Variants in ALDH3A1 observed in about 807,000 individuals in gnomAD.
ALDH3A1 encodes aldehyde dehydrogenase 3 family member A1.
A neutral mutation model predicts 49.9 loss-of-function variants in ALDH3A1; 46 were observed. The ratio of observed to expected loss-of-function variants is 0.92; its 90% CI spans 0.73 to 1.18. ALDH3A1 has a LOEUF of 1.18. Ranked by LOEUF, ALDH3A1 falls within the 50% of genes most tolerant of loss-of-function variation. ALDH3A1 has a pLI of 0.00. For missense variants in ALDH3A1, 592 were observed against 611.8 expected, an observed-to-expected ratio of 0.97 and a Z score of 0.34; for synonymous variants, 269 against 253.3, an observed-to-expected ratio of 1.06 and a Z score of -0.59.
rs1205013533 is a variant in ALDH3A1, at chr17:19,745,123, T to C, written c.7A>G (p.Lys3Glu). MS[K>E]ISEAVKRARA... The stretch of plus-strand genomic sequence containing the variant: ...GCGCGCTTCACGGCCTCGCTGATCT[T>C]GCTCATGGCGCCTGGGGACAGAGAG... The change falls in exon 2 of 11, where the codon AAG (lysine) becomes GAG (glutamate). Residue 3 changes from lysine to glutamate, a missense_variant. Coordinates refer to ENST00000225740, the MANE Select transcript of ALDH3A1 (RefSeq NM_000691.5). The C allele has an allele frequency of 6.3e-7, 1 of 1,576,940 alleles. No individual in the cohort carries two copies. Among genetic ancestry groups the C allele is most frequent in the Admixed American group, 1.7e-5 (1 of 57,956 alleles).
At chr17:19,744,646 A>G (rs1432760195) in intron 2 of ALDH3A1, 2 of 985,184 alleles carry the variant, frequency 2.0e-6, no homozygotes, top group Middle Eastern at 5.2e-4. Flanking sequence ...GGTGTGGAGA[A>G]CCAAGTGGTC....
At position 19,741,140 on chromosome 17, in the gene ALDH3A1, G is replaced by A. The variant is rs1405409099; in HGVS notation, c.760C>T (p.Pro254Ser). 6.2e-7 allele frequency: 1 copy of A among 1,613,986 alleles called. No homozygotes were observed. Among genetic ancestry groups the A allele is most frequent in the African/African-American group, 1.3e-5 (1 of 74,896 alleles). Residue 254 changes from proline (P) to serine (S), a missense_variant, in exon 6 of 11, where the codon CCC becomes TCC. Pro to Ser is a moderately conservative substitution (Grantham distance 74). Coordinates refer to ENST00000225740, the MANE Select transcript of ALDH3A1 (RefSeq NM_000691.5). ...TCCACAATTTGGTTCTGGATCGAGG[G>A]GTCACAGAGGATGTAGTCAGGGGCC... ...CVAPDYILCD[P>S]SIQNQIVEKL...
intron 6 of ALDH3A1, 119 bp from the exon 7 acceptor site, chr17:19,740,596 T>C (rs1402951014): frequency 1.7e-6 from 2 of 1,164,276 alleles, no homozygotes; most frequent in African/African-American, 3.0e-5. Flanking sequence ...GTGGAGCTTT[T>C]TTCTTCTTTA....
intron 2 of ALDH3A1, 52 bp downstream of exon 2, chr17:19,744,916 C>CCCCCCCCCCCCCCA: frequency 1.5e-6 from 2 of 1,345,112 alleles, no homozygotes; most frequent in Non-Finnish European, 1.9e-6. Context: ...TCCCCCCACG[C>CCCCCCCCCCCCCCA]CCCATCGCAT....
At chr17:19,744,748 A>G (rs2086565510) in intron 2 of ALDH3A1, 2 of 1,358,814 alleles carry the variant, frequency 1.5e-6, no homozygotes, top group African/African-American at 3.1e-5. Flanking sequence ...CGGGACGCGG[A>G]GGCCGGGCCA....
intron 8 of ALDH3A1, 66 bp downstream of exon 8, chr17:19,739,442 G>A: frequency 6.5e-7 from 1 of 1,529,910 alleles, no homozygotes; most frequent in African/African-American, 1.4e-5. Context: ...CAGTGAAGCT[G>A]CAGTTTGAAC....
rs1555546873 is a variant in ALDH3A1 at position 19,744,902 on chromosome 17, C to CCCCCA, written c.162+65_162+66insTGGGG. 28 of 412,010 alleles carry CCCCCA rather than the reference C, an allele frequency of 6.8e-5. 2 individuals are homozygous for CCCCCA. In the East Asian group the frequency reaches 4.9e-3, roughly 72 times the overall value. The allele number at this position is 412,010 out of a possible 1,614,324, so 25.5% of individuals were successfully genotyped here. On this transcript the variant is annotated intron_variant, in intron 2 of 10. Coordinates refer to ENST00000225740, the MANE Select transcript of ALDH3A1 (RefSeq NM_000691.5). ...CCTCTCTGGGTCGCACTCTCCCCAG[C>CCCCCA]CCCTCCCCCCACGCCCCATCGCATG...
intron 7 of ALDH3A1, 183 bp downstream of exon 7, chr17:19,740,153 T>C (rs1296376674): frequency 1.5e-6 from 1 of 655,520 alleles, no homozygotes; most frequent in Non-Finnish European, 2.4e-6. Context: ...GATTCTGAGG[T>C]TGAAGCAGGG....
Position 19,743,669 on chromosome 17 carries a change from G to A in ALDH3A1, c.163-206C>T, listed in dbSNP as rs1417163824. 3 of 985,210 alleles carry A rather than the reference G, an allele frequency of 3.0e-6. No homozygotes were observed. The highest frequency in any genetic ancestry group is 1.7e-5 in the African/African-American group (1 of 57,236). 61.0% of individuals were successfully genotyped at this position (985,210 alleles called of 1,614,324 possible). A position where few individuals can be genotyped will look rare whatever the true frequency, so the allele number is the denominator to read the frequency against. On this transcript the variant is annotated intron_variant, in intron 2 of 10. Coordinates refer to ENST00000225740, the MANE Select transcript of ALDH3A1 (RefSeq NM_000691.5). This position sits in a 1 kb window ranked among gnomAD's most constrained non-coding sequence, Gnocchi z 4.4. The stretch of plus-strand genomic sequence containing the variant: ...TCTGAGAGGACCCCTTTCTGCCAGA[G>A]GGGGGCCCAGGTAGGTTTGCGGCCC...
intron 6 of ALDH3A1, among the ~76,000 whole-genome samples, chr17:19,740,820 T>A (rs72841927): frequency 6.6e-6 from 1 of 152,102 alleles, no homozygotes; most frequent in Non-Finnish European, 1.5e-5. Flanking sequence ...CATGCCACCA[T>A]GCTTGGCTAA....
rs2086453645 is a variant in ALDH3A1, at chr17:19,739,621, T to G, written c.1003A>C (p.Ile335Leu). The G allele has an allele frequency of 6.2e-7, 1 of 1,613,772 alleles. No homozygotes were observed. The stretch of plus-strand genomic sequence containing the variant: ...ACGATGGGCAGCACAGGCCCGAAGA[T>G]CTCCTCTTGCATCACCGGGGACTGG... ...DPQSPVMQEE[I>L]FGPVLPIVCV... Residue 335 changes from isoleucine (I) to leucine (L), a missense_variant, in exon 8 of 11, where the codon ATC becomes CTC. Ile to Leu is a conservative substitution (Grantham distance 5). Transcript: ENST00000225740.
rs1321083538 is a variant in ALDH3A1 at position 19,739,440 on chromosome 17, C to A, written c.1116+68G>T. ...GTCACACAGCCAGAGAACAGTGAAG[C>A]TGCAGTTTGAACCCAGGTCTGTGGG... On this transcript the variant is annotated intron_variant, in intron 8 of 10. Coordinates refer to ENST00000225740, the MANE Select transcript of ALDH3A1 (RefSeq NM_000691.5). 12 of 1,524,750 alleles carry A rather than the reference C, an allele frequency of 7.9e-6. No individual in the cohort carries two copies. The East Asian group carries it at 2.1e-4, about 27-fold the overall frequency. The allele number at this position is 1,524,750 out of a possible 1,614,324, so 94.5% of individuals were successfully genotyped here. A position where few individuals can be genotyped will look rare whatever the true frequency, so the allele number is the denominator to read the frequency against.
In ALDH3A1 at chr17:19,743,639, G is replaced by T. The variant is rs561824134; in HGVS notation, c.163-176C>A. ...AGAGCCAGGATTAGCCGTTGGACCT[G>T]TGGGTCTGAGAGGACCCCTTTCTGC... On this transcript the variant is annotated intron_variant, in intron 2 of 10. Transcript: ENST00000225740. The surrounding 1 kb of genome is among the most constrained non-coding windows in gnomAD (Gnocchi z 4.4). The T allele has an allele frequency of 7.1e-6, 10 of 1,418,040 alleles. No individual in the cohort carries two copies. The highest frequency in any genetic ancestry group is 5.8e-5 in the African/African-American group (4 of 69,156). The allele number at this position is 1,418,040 out of a possible 1,614,324, so 87.8% of individuals were successfully genotyped here.
chr17:19,742,527 C>A lies in ALDH3A1; in HGVS notation c.480+18G>T. On this transcript the variant is annotated intron_variant, in intron 4 of 10. Transcript: ENST00000225740. ...GTTATGAGGCCATGGAGTTACGAGG[C>A]CCTGGAGGGCAACTCACCTTGTCCA... The A allele has an allele frequency of 6.2e-7, 1 of 1,609,050 alleles. No homozygotes were observed. The highest frequency in any genetic ancestry group is 8.5e-7 in the Non-Finnish European group (1 of 1,176,762).
chr17:19,745,373 G>T, intron 1 of ALDH3A1: 2 of 490,214 alleles, frequency 4.1e-6, no homozygotes, highest in Non-Finnish European at 7.1e-6. Flanking sequence ...GTCCTAAGCC[G>T]AACTGCTGCT....
intron 6 of ALDH3A1, 80 bp from the exon 7 acceptor site, chr17:19,740,557 GTGT>G: frequency 6.5e-7 from 1 of 1,533,484 alleles, no homozygotes; most frequent in South Asian, 1.2e-5. Flanking sequence ...CAGGCCAGCA[GTGT>G]CTGTCTTTGG....
intron 2 of ALDH3A1, 197 bp downstream of exon 2, chr17:19,744,771 C>T: frequency 3.6e-6 from 5 of 1,372,918 alleles, no homozygotes; most frequent in South Asian, 1.6e-5. Flanking sequence ...AGGAAAAGGC[C>T]AGAGGGCGGA....
chr17:19,740,296 A>G (rs368032568), intron 7 of ALDH3A1, 40 bp downstream of exon 7: 150 of 1,603,850 alleles, frequency 9.4e-5, no homozygotes, highest in Non-Finnish European at 1.2e-4. Context: ...GGACCCCTGC[A>G]GCCTGGGCAG....
intron 1 of ALDH3A1, among the ~76,000 whole-genome samples, chr17:19,747,578 C>T (rs1326082969): frequency 1.3e-5 from 2 of 152,270 alleles, no homozygotes; most frequent in South Asian, 2.1e-4. Flanking sequence ...AGGACTTCCC[C>T]GAGAGACAGG....
Sources: gnomAD v4.1 joint callset for allele counts (sites outside exome capture counted in the v4.1 genomes callset) on GRCh38, gnomAD v4.1.1 for gene constraint, Gnocchi (gnomAD v3.1) non-coding constraint, MANE v1.5 for transcripts, NCBI Gene and HGNC (gene_info 2026-07-23, HGNC 2026-07-21) for gene names.